The following SSH2 variants were observed in gnomAD, a reference collection of about 807,000 sequenced individuals.
SSH2 encodes slingshot protein phosphatase 2.
In SSH2, 37 loss-of-function variants were observed where a neutral mutation model predicts 135.2. The observed-to-expected ratio is 0.27, with a 90% CI of 0.21 to 0.36. The LOEUF is 0.36. Ranked by LOEUF, SSH2 falls within the 10% of genes least tolerant of loss-of-function variation. The pLI, the probability that SSH2 is intolerant of heterozygous loss-of-function variation, is 1.00. For missense variants in SSH2, 1,408 were observed against 1,765.3 expected (o/e 0.80, Z 3.63); for synonymous variants, 628 against 646.2 (o/e 0.97, Z 0.43).
intron 3 of SSH2, among the ~76,000 whole-genome samples, chr17:29,743,234 T>C (rs2040632682): frequency 6.6e-6 from 1 of 152,198 alleles, no homozygotes; most frequent in African/African-American, 2.4e-5. Flanking sequence ...ATTTTTAAGC[T>C]GAGTTCATTA....
chr17:29,785,961 C>T (rs2041955026), intron 3 of SSH2, among the ~76,000 whole-genome samples: 1 of 152,106 alleles, frequency 6.6e-6, no homozygotes, highest in Admixed American at 6.5e-5. Context: ...CCCGCCATCA[C>T]GCCCGGCTAG....
chr17:29,732,017 T>C (rs889479681), intron 3 of SSH2, among the ~76,000 whole-genome samples: 4 of 152,114 alleles, frequency 2.6e-5, no homozygotes, highest in Non-Finnish European at 2.9e-5. Flanking sequence ...GAGAGCCTGC[T>C]TGGGTGATTT....
chr17:29,898,382 G>A (rs549728996), intron 1 of SSH2, among the ~76,000 whole-genome samples: 65 of 152,084 alleles, frequency 4.3e-4, no homozygotes, highest in African/African-American at 1.5e-3. Context: ...TAGACCGCTA[G>A]CAAGACTAAT....
Position 29,635,643 on chromosome 17 carries a change from T to C in SSH2, c.2262+325A>G, listed in dbSNP as rs543625751. Among the ~76,000 whole-genome samples, 286 of 151,966 alleles carry C rather than the reference T, an allele frequency of 1.9e-3. 11 individuals are homozygous for C. In the South Asian group the frequency reaches 0.046, roughly 24 times the overall value. On this transcript the variant is annotated intron_variant, in intron 15 of 15. Coordinates refer to ENST00000540801, the MANE Select transcript of SSH2 (RefSeq NM_001282129.2). The stretch of plus-strand genomic sequence containing the variant: ...CAGGATGGTTTCGATCTCCTGACCT[T>C]GTGATCCGCCCGCCTTGGCCTCCCA...
intron 1 of SSH2, among the ~76,000 whole-genome samples, chr17:29,920,749 A>G (rs1377436384): frequency 1.4e-4 from 21 of 152,172 alleles, no homozygotes; most frequent in Admixed American, 1.4e-3. Flanking sequence ...CAATAAGTAG[A>G]ATATTTCTAT....
intron 2 of SSH2, among the ~76,000 whole-genome samples, chr17:29,812,699 G>C (rs1228528643): frequency 6.6e-6 from 1 of 152,062 alleles, no homozygotes; most frequent in Non-Finnish European, 1.5e-5. Flanking sequence ...GACCATCCTG[G>C]CTAACACGGT....
At chr17:29,674,825 T>C (rs1404561741) in intron 8 of SSH2, among the ~76,000 whole-genome samples, 3 of 152,230 alleles carry the variant, frequency 2.0e-5, no homozygotes, top group African/African-American at 7.2e-5. Flanking sequence ...GAAAGTTTTA[T>C]GAATTTGGAT....
chr17:29,751,841 T>TA (rs1260843461), intron 3 of SSH2, among the ~76,000 whole-genome samples: 2 of 151,892 alleles, frequency 1.3e-5, no homozygotes, highest in Non-Finnish European at 2.9e-5. Context: ...TAGAACCAAG[T>TA]AAGAGTTTTA....
In SSH2 at chr17:29,924,391, T is replaced by G. The variant is rs190811007; in HGVS notation, c.63+5547A>C. Among the ~76,000 whole-genome samples the G allele has an allele frequency of 2.1e-3, 316 of 152,324 alleles. 1 individual carries two copies. Among genetic ancestry groups the G allele is most frequent in the South Asian group, 1.4e-3 (7 of 4,830 alleles). On this transcript the variant is annotated intron_variant, in intron 1 of 15. Coordinates refer to ENST00000540801, the MANE Select transcript of SSH2 (RefSeq NM_001282129.2). ...ATTGATTTACCCATTAATTAGAACGTGCATCTTAAATGTCAAAACTTTGGT... is the reference window on the plus strand; with the variant it reads ...ATTGATTTACCCATTAATTAGAACGGGCATCTTAAATGTCAAAACTTTGGT...
At chr17:29,797,905 C>G (rs895624529) in intron 2 of SSH2, among the ~76,000 whole-genome samples, 28 of 151,946 alleles carry the variant, frequency 1.8e-4, no homozygotes, top group Non-Finnish European at 2.6e-4. Flanking sequence ...ATAAATAAAG[C>G]TATTATATGA....
At chr17:29,633,312 TC>T (rs972152152) in intron 15 of SSH2, among the ~76,000 whole-genome samples, 3 of 152,352 alleles carry the variant, frequency 2.0e-5, no homozygotes, top group African/African-American at 7.2e-5. Context: ...ATGAAACCTT[TC>T]CCCCGTGGCC....
At chr17:29,849,839 CA>C (rs1190678763) in intron 1 of SSH2, among the ~76,000 whole-genome samples, 1,277 of 80,184 alleles carry the variant, frequency 0.016, 24 homozygotes, top group African/African-American at 0.052. Flanking sequence ...GTCTGTACTA[CA>C]AAAAAAAAAA....
At chr17:29,913,348 A>AAAAAT (rs1491105093) in intron 1 of SSH2, among the ~76,000 whole-genome samples, 3 of 13,694 alleles carry the variant, frequency 2.2e-4, no homozygotes, top group East Asian at 5.9e-3. Flanking sequence ...AAAAAAAAAA[A>AAAAAT]TATATATATA....
chr17:29,822,644 G>A (rs374599579), intron 2 of SSH2, among the ~76,000 whole-genome samples: 26 of 151,354 alleles, frequency 1.7e-4, no homozygotes, highest in African/African-American at 6.3e-4. Context: ...ATACAGATGT[G>A]AGCCACCTCA....
At chr17:29,743,956 T>C (rs1598920137) in intron 3 of SSH2, among the ~76,000 whole-genome samples, 3 of 147,502 alleles carry the variant, frequency 2.0e-5, no homozygotes, top group Non-Finnish European at 3.0e-5. Context: ...TTTTATTTGG[T>C]CCATTGGAGC....
At chr17:29,890,314 C>A (rs1482240739) in intron 1 of SSH2, among the ~76,000 whole-genome samples, 3 of 152,112 alleles carry the variant, frequency 2.0e-5, no homozygotes, top group African/African-American at 7.2e-5. Context: ...TAGGTATATG[C>A]CCAAGAGAAA....
intron 3 of SSH2, among the ~76,000 whole-genome samples, chr17:29,757,963 T>C (rs2041183323): frequency 6.6e-6 from 1 of 151,922 alleles, no homozygotes; most frequent in Non-Finnish European, 1.5e-5. Flanking sequence ...AGAAGGCTGC[T>C]TGAGCCCAGG....
At chr17:29,711,599 T>A (rs551686281) in intron 3 of SSH2, among the ~76,000 whole-genome samples, 21 of 152,290 alleles carry the variant, frequency 1.4e-4, no homozygotes, top group African/African-American at 4.6e-4. Flanking sequence ...AGCAATAGAT[T>A]TATCTTTTTC....
rs549241892 is a variant in SSH2 at position 29,826,563 on chromosome 17, T to C, written c.144+22286A>G. 2.0e-5 allele frequency among the ~76,000 whole-genome samples: 3 copies of C among 152,358 alleles called. No individual in the cohort carries two copies. In the South Asian group the frequency reaches 6.2e-4, roughly 32 times the overall value. ...GGGATTCAGAAATGCATTGATGTTA[T>C]TAGGTCTTTATTTTCCACTCTTTCT... On this transcript the variant is annotated intron_variant, in intron 2 of 15. Coordinates refer to ENST00000540801, the MANE Select transcript of SSH2 (RefSeq NM_001282129.2).
Sources: gnomAD v4.1 joint callset for allele counts (sites outside exome capture counted in the v4.1 genomes callset) on GRCh38, gnomAD v4.1.1 for gene constraint, MANE v1.5 for transcripts, NCBI Gene and HGNC (gene_info 2026-07-23, HGNC 2026-07-21) for gene names.